The following IPP variants were observed in gnomAD, a reference collection of about 807,000 sequenced individuals.
IPP encodes the protein actin-binding protein IPP.
In IPP, 41 loss-of-function variants were observed where a neutral mutation model predicts 64.1. That is an observed-to-expected ratio of 0.64 (90% CI 0.50 to 0.83). The LOEUF is 0.83. IPP is among the 40% of genes least tolerant of loss of function. The pLI is 0.00. For missense variants in IPP, 649 were observed against 703.0 expected (o/e 0.92, Z 0.87); for synonymous variants, 214 against 235.2 (o/e 0.91, Z 0.83).
At chr1:45,731,049 A>C (rs983621884) in intron 3 of IPP, among the ~76,000 whole-genome samples, 4 of 152,252 alleles carry the variant, frequency 2.6e-5, no homozygotes, top group African/African-American at 9.6e-5. Context: ...GATAAATAAC[A>C]AGAACTCAAT....
Position 45,699,573 on chromosome 1 carries a change from T to C in IPP, c.*393A>G, listed in dbSNP as rs1645420785. 1 of 992,610 alleles carries C rather than the reference T, an allele frequency of 1.0e-6. No individual in the cohort carries two copies. The highest frequency in any genetic ancestry group is 4.6e-5 in the South Asian group (1 of 21,878). 61.5% of individuals were successfully genotyped at this position (992,610 alleles called of 1,614,324 possible). A position where few individuals can be genotyped will look rare whatever the true frequency, so the allele number is the denominator to read the frequency against. On this transcript the variant is annotated 3_prime_UTR_variant, in exon 9 of 9. Coordinates refer to ENST00000396478, the MANE Select transcript of IPP (RefSeq NM_005897.3). ...GCATAAATGGCATTTCTATTATTAG[T>C]AAACCTGGCAAATCTGTGTGAGCTC...
At chr1:45,712,643 G>T (rs1203128036) in intron 8 of IPP, among the ~76,000 whole-genome samples, 1 of 151,622 alleles carries the variant, frequency 6.6e-6, no homozygotes, top group African/African-American at 2.4e-5. Context: ...AGATCACGAG[G>T]TCAGGAGATC....
At chr1:45,738,140 G>T (rs1249334984) in intron 3 of IPP, among the ~76,000 whole-genome samples, 1 of 152,118 alleles carries the variant, frequency 6.6e-6, no homozygotes, top group Non-Finnish European at 1.5e-5. Flanking sequence ...ATGGATAAAG[G>T]GGGACTACTG....
intron 8 of IPP, among the ~76,000 whole-genome samples, chr1:45,713,730 A>AC (rs1425339195): frequency 6.6e-6 from 1 of 151,900 alleles, no homozygotes; most frequent in African/African-American, 2.4e-5. Context: ...ATGCCCAACT[A>AC]ATTTTGTTAT....
intron 8 of IPP, among the ~76,000 whole-genome samples, chr1:45,705,892 A>G (rs779328981): frequency 2.2e-4 from 33 of 152,266 alleles, no homozygotes; most frequent in Non-Finnish European, 3.4e-4. Context: ...AAAATGAAAC[A>G]AAGTAAACAC....
At chr1:45,718,141 T>C (rs375614694) in intron 6 of IPP, among the ~76,000 whole-genome samples, 1 of 152,194 alleles carries the variant, frequency 6.6e-6, no homozygotes, top group African/African-American at 2.4e-5. Flanking sequence ...AAAAATAATA[T>C]AGTACAGAAC....
chr1:45,701,085 CA>C (rs2148545578), intron 8 of IPP, among the ~76,000 whole-genome samples: 1 of 152,226 alleles, frequency 6.6e-6, no homozygotes, highest in East Asian at 1.9e-4. Flanking sequence ...TGAGAACAAA[CA>C]ATGATTTTCC....
chr1:45,731,737 C>T (rs921162113), intron 3 of IPP, among the ~76,000 whole-genome samples: 2 of 152,010 alleles, frequency 1.3e-5, no homozygotes, highest in African/African-American at 2.4e-5. Context: ...AGTTAAGAGA[C>T]CAGCCTGGCC....
intron 3 of IPP, among the ~76,000 whole-genome samples, chr1:45,731,149 G>T (rs1047529384): frequency 6.6e-6 from 1 of 152,224 alleles, no homozygotes; most frequent in Non-Finnish European, 1.5e-5. Context: ...AGGCTAGAAA[G>T]AAGTGGCAAG....
At chr1:45,745,665 T>A (rs1439794751) in intron 2 of IPP, among the ~76,000 whole-genome samples, 1 of 151,278 alleles carries the variant, frequency 6.6e-6, no homozygotes, top group Non-Finnish European at 1.5e-5. Flanking sequence ...GAGACAATCC[T>A]GGCTAACACA....
chr1:45,732,824 G>A (rs979155087), intron 3 of IPP, among the ~76,000 whole-genome samples: 2 of 151,698 alleles, frequency 1.3e-5, no homozygotes, highest in Non-Finnish European at 2.9e-5. Context: ...CCACCCCCAC[G>A]CCTGGCTAAT....
chr1:45,698,217 G>A (rs188009784), downstream of IPP, among the ~76,000 whole-genome samples: 3 of 152,150 alleles, frequency 2.0e-5, no homozygotes, highest in Non-Finnish European at 2.9e-5. Flanking sequence ...GCTTGAATCC[G>A]GGAGGCGGAG....
At chr1:45,705,666 C>T (rs538949980) in intron 8 of IPP, among the ~76,000 whole-genome samples, 5 of 152,006 alleles carry the variant, frequency 3.3e-5, no homozygotes, top group Non-Finnish European at 5.9e-5. Context: ...ATTAGCTGGG[C>T]GTGGTGGTGC....
Position 45,746,298 on chromosome 1 carries a change from A to C in IPP, c.114T>G (p.Asp38Glu). 6.2e-7 allele frequency: 1 copy of C among 1,614,208 alleles called. No individual in the cohort carries two copies. Among genetic ancestry groups the C allele is most frequent in the South Asian group, 1.1e-5 (1 of 91,086 alleles). The change falls in exon 2 of 9, where the codon GAT (aspartate) becomes GAG (glutamate). Residue 38 changes from aspartate to glutamate, a missense_variant. By Grantham distance (45) the Asp-to-Glu change is conservative (BLOSUM62 2). Transcript: ENST00000396478. ...TTTCCTGTCCAACTTGCAGCTGCAC[A>C]TCACAGAAATGCTGTCCATTTCTCA... ...NKMRNGQHFC[D>E]VQLQVGQESF...
At chr1:45,724,232 C>T (rs1645774230) in intron 5 of IPP, among the ~76,000 whole-genome samples, 1 of 152,212 alleles carries the variant, frequency 6.6e-6, no homozygotes, top group African/African-American at 2.4e-5. Flanking sequence ...GATCCGCCAG[C>T]CTTCGCCTCC....
intron 2 of IPP, among the ~76,000 whole-genome samples, chr1:45,745,714 A>C (rs1032496906): frequency 2.6e-5 from 4 of 151,820 alleles, no homozygotes; most frequent in Admixed American, 1.3e-4. Context: ...AAAAAAAAAA[A>C]AATTAGCCAG....
chr1:45,734,608 T>C (rs1375582815), intron 3 of IPP, among the ~76,000 whole-genome samples: 1 of 152,052 alleles, frequency 6.6e-6, no homozygotes, highest in African/African-American at 2.4e-5. Context: ...GCCAGGGTAA[T>C]TTTAAATTAT....
chr1:45,701,398 C>T (rs1645453921), intron 8 of IPP, among the ~76,000 whole-genome samples: 1 of 152,168 alleles, frequency 6.6e-6, no homozygotes, highest in South Asian at 2.1e-4. Flanking sequence ...AGCGATTCTC[C>T]TGCCTCAGCC....
chr1:45,735,777 G>A (rs918627190), intron 3 of IPP, among the ~76,000 whole-genome samples: 8 of 50,694 alleles, frequency 1.6e-4, no homozygotes, highest in Non-Finnish European at 3.2e-4. Context: ...CTACAGATGC[G>A]TGACACCACA....
Sources: allele counts gnomAD v4.1 joint callset (sites outside exome capture counted in the v4.1 genomes callset), GRCh38; gene constraint gnomAD v4.1.1; transcripts MANE v1.5; gene names NCBI Gene and HGNC (gene_info 2026-07-23, HGNC 2026-07-21).